The following OSBP2 variants were observed in gnomAD, a reference collection of about 807,000 sequenced individuals.
The protein encoded by OSBP2 is oxysterol binding protein 2.
A neutral mutation model predicts 96.0 loss-of-function variants in OSBP2; 66 were observed. That is an observed-to-expected ratio of 0.69 (90% confidence interval 0.56 to 0.84). OSBP2 has a LOEUF of 0.84. OSBP2 is among the 40% of genes least tolerant of loss of function. The pLI is 0.00. For missense variants in OSBP2, 1,038 were observed against 1,222.7 expected, an observed-to-expected ratio of 0.85 and a Z score of 2.25; for synonymous variants, 525 against 520.9, an observed-to-expected ratio of 1.01 and a Z score of -0.11.
At chr22:30,818,283 GT>G (rs796777180) in intron 2 of OSBP2, among the ~76,000 whole-genome samples, 27 of 147,486 alleles carry the variant, frequency 1.8e-4, no homozygotes, top group South Asian at 8.7e-4. Flanking sequence ...TCCTTTCAGC[GT>G]TTTTTTTTTA....
chr22:30,803,497 G>C (rs986951948), intron 2 of OSBP2, among the ~76,000 whole-genome samples: 18 of 152,210 alleles, frequency 1.2e-4, no homozygotes, highest in African/African-American at 4.1e-4. Flanking sequence ...GGTGCCACAG[G>C]GGGGACAGCT....
At chr22:30,877,191 C>T (rs1283647241) in intron 3 of OSBP2, among the ~76,000 whole-genome samples, 1 of 152,128 alleles carries the variant, frequency 6.6e-6, no homozygotes. Context: ...TGTGAAAAAT[C>T]ACAGGAGCAA....
At position 30,870,559 on chromosome 22, in the gene OSBP2, T is replaced by C. The variant is rs2301816; in HGVS notation, c.984T>C (p.Ala328=). ...ATGACCTCATCGCCAAGCACGGCGC[T>C]GCACTCCAGCGCTCCCTGACAGAGC... The part of the protein sequence containing the change: ...TCNDLIAKHG[A]ALQRSLTELD... The change falls in exon 3 of 14, where the codon GCT becomes GCC. Residue 328 remains alanine (A), a synonymous_variant. Transcript: ENST00000332585. The surrounding 1 kb of genome is among the most constrained non-coding windows in gnomAD (Gnocchi z 4.1). 0.63 allele frequency: 1,017,934 copies of C among 1,613,652 alleles called. 323,438 individuals carry two copies. Among genetic ancestry groups the C allele is most frequent in the East Asian group, 0.82 (36,801 of 44,846 alleles).
At chr22:30,705,098 A>G (rs11913875) in intron 1 of OSBP2, among the ~76,000 whole-genome samples, 49,352 of 152,028 alleles carry the variant, frequency 0.32, 8,312 homozygotes, top group East Asian at 0.39. Context: ...TGTCAAACAC[A>G]TAGCATGTCT....
chr22:30,696,863 T>A (rs993284237), intron 1 of OSBP2, among the ~76,000 whole-genome samples: 2 of 152,130 alleles, frequency 1.3e-5, no homozygotes, highest in Non-Finnish European at 2.9e-5. Flanking sequence ...TTCACCATGT[T>A]GCCCAGGCTG....
Position 30,870,316 on chromosome 22 carries a change from A to G in OSBP2, c.854-113A>G. ...AACAGGAACGGGCACCATCTCGGGG[A>G]CTGATGTTTTTTGAATGGCGCTATC... On this transcript the variant is annotated intron_variant, in intron 2 of 13. Transcript: ENST00000332585. This position sits in a 1 kb window ranked among gnomAD's most constrained non-coding sequence, Gnocchi z 4.1. 9.3e-7 allele frequency: 1 copy of G among 1,074,170 alleles called. No individual in the cohort carries two copies. Among genetic ancestry groups the G allele is most frequent in the Admixed American group, 2.1e-5 (1 of 47,588 alleles). The allele number at this position is 1,074,170 out of a possible 1,614,324, so 66.5% of individuals were successfully genotyped here.
chr22:30,893,008 A>G (rs1320755096), intron 8 of OSBP2, 114 bp from the exon 9 acceptor site: 28 of 1,374,558 alleles, frequency 2.0e-5, no homozygotes, highest in East Asian at 1.9e-4. Context: ...GACTGCTCCT[A>G]TGGCCACAGA....
At chr22:30,775,092 G>A (rs1379367627) in intron 2 of OSBP2, among the ~76,000 whole-genome samples, 1 of 151,866 alleles carries the variant, frequency 6.6e-6, no homozygotes, top group East Asian at 1.9e-4. Flanking sequence ...ACCATTAAAG[G>A]CATTTAGTAC....
chr22:30,730,008 GAGTGC>G (rs1391225688), intron 1 of OSBP2, among the ~76,000 whole-genome samples: 1 of 152,040 alleles, frequency 6.6e-6, no homozygotes, highest in Admixed American at 6.6e-5. Context: ...ACCCAGGCTG[GAGTGC>G]AGTGGCACAA....
At position 30,906,669 on chromosome 22, in the gene OSBP2, C is replaced by T; in HGVS notation, c.*330C>T. 4.0e-6 allele frequency: 1 copy of T among 247,906 alleles called. No homozygotes were observed. The highest frequency in any genetic ancestry group is 5.4e-5 in the Admixed American group (1 of 18,408). The allele number at this position is 247,906 out of a possible 1,614,324, so 15.4% of individuals were successfully genotyped here. A position where few individuals can be genotyped will look rare whatever the true frequency, so the allele number is the denominator to read the frequency against. On this transcript the variant is annotated 3_prime_UTR_variant, in exon 14 of 14. Transcript: ENST00000332585. ...GCTGCGCAAATCACCAGCCCCCAAC[C>T]CAGGGAGGAACTGGCCCCTCCTAGG...
At chr22:30,801,793 G>A (rs1342890791) in intron 2 of OSBP2, among the ~76,000 whole-genome samples, 1 of 151,992 alleles carries the variant, frequency 6.6e-6, no homozygotes, top group Non-Finnish European at 1.5e-5. Flanking sequence ...GGACAACACA[G>A]CAAGACCCCA....
At chr22:30,782,366 C>A (rs2090529440) in intron 2 of OSBP2, among the ~76,000 whole-genome samples, 1 of 152,100 alleles carries the variant, frequency 6.6e-6, no homozygotes, top group Admixed American at 6.6e-5. Context: ...TTTGCATTTT[C>A]TAGGATTTCT....
intron 2 of OSBP2, among the ~76,000 whole-genome samples, chr22:30,781,359 C>T (rs556417072): frequency 6.6e-6 from 1 of 152,170 alleles, no homozygotes; most frequent in Admixed American, 6.5e-5. Flanking sequence ...AAGCAGCAGC[C>T]CTGCTCCCCC....
In OSBP2 at chr22:30,906,072, G is replaced by A. The variant is rs370721848; in HGVS notation, c.2608+3G>A. ...CAGCAGCTGCAGCTCGGAGGAAGGT[G>A]AGGCCGGGCGGGAAGGGCGCCCCGG... is the stretch of plus-strand genomic sequence containing the variant. On this transcript the variant is annotated splice_donor_region_variant and intron_variant, in intron 13 of 13. Transcript: ENST00000332585. 8.9e-6 allele frequency: 14 copies of A among 1,569,388 alleles called. No individual in the cohort carries two copies. The African/African-American group carries it at 1.6e-4, about 18-fold the overall frequency.
At chr22:30,857,773 G>A (rs2039107830) in intron 2 of OSBP2, among the ~76,000 whole-genome samples, 1 of 152,186 alleles carries the variant, frequency 6.6e-6, no homozygotes, top group African/African-American at 2.4e-5. Context: ...GTCATGAAAG[G>A]GAAAGGCATC....
intron 2 of OSBP2, among the ~76,000 whole-genome samples, chr22:30,755,735 C>T (rs576460689): frequency 1.5e-3 from 234 of 152,296 alleles, no homozygotes; most frequent in Non-Finnish European, 2.3e-3. Context: ...CTTTCACCTA[C>T]GCAGCCCCCA....
At chr22:30,862,237 C>T (rs753871370) in intron 2 of OSBP2, among the ~76,000 whole-genome samples, 2 of 152,210 alleles carry the variant, frequency 1.3e-5, no homozygotes, top group African/African-American at 4.8e-5. Flanking sequence ...TTCCGCTCCC[C>T]GCCTGCCCCC....
intron 2 of OSBP2, among the ~76,000 whole-genome samples, chr22:30,773,973 A>G (rs973880587): frequency 7.9e-5 from 12 of 152,066 alleles, no homozygotes; most frequent in African/African-American, 2.4e-4. Flanking sequence ...GGGGCCAGGG[A>G]TGCTTGGCTG....
chr22:30,784,557 T>C (rs542063628), intron 2 of OSBP2, among the ~76,000 whole-genome samples: 1 of 152,138 alleles, frequency 6.6e-6, no homozygotes, highest in East Asian at 1.9e-4. Flanking sequence ...CCGTGCCCAG[T>C]TGACAAGTAT....
Sources: allele counts gnomAD v4.1 joint callset (sites outside exome capture counted in the v4.1 genomes callset), GRCh38; gene constraint gnomAD v4.1.1; non-coding constraint Gnocchi (gnomAD v3.1); transcripts MANE v1.5; gene names NCBI Gene and HGNC (gene_info 2026-07-23, HGNC 2026-07-21).